PCDHGA7: variants seen among roughly 807,000 people sequenced by gnomAD.
PCDHGA7 encodes protocadherin gamma-A7.
A neutral mutation model predicts 58.3 loss-of-function variants in PCDHGA7; 44 were observed. That is an observed-to-expected ratio of 0.75 (90% CI 0.59 to 0.97). The LOEUF (loss-of-function observed/expected upper bound fraction) is 0.97, where lower values mean the gene tolerates loss of function less well. PCDHGA7 is among the 50% of genes least tolerant of loss of function. The pLI is 0.00. For missense variants in PCDHGA7, 1,266 were observed against 1,188.7 expected, an observed-to-expected ratio of 1.06 and a Z score of -0.96; for synonymous variants, 516 against 504.2, an observed-to-expected ratio of 1.02 and a Z score of -0.31.
At chr5:141,466,104 AGAGT>A (rs2154569127) in intron 1 of PCDHGA7, among the ~76,000 whole-genome samples, 1 of 152,144 alleles carries the variant, frequency 6.6e-6, no homozygotes, top group Admixed American at 6.5e-5. Flanking sequence ...CCTGGGCAAC[AGAGT>A]GAGACTCCAG....
rs1161188105 is a variant in PCDHGA7, at chr5:141,427,974, G to A, written c.2424+42651G>A. 9 of 1,594,458 alleles carry A rather than the reference G, an allele frequency of 5.6e-6. No individual in the cohort carries two copies. In the Admixed American group the frequency reaches 1.5e-4, roughly 27 times the overall value. ...CAATGTGCCGCGGGTGCTGTACCCC[G>A]CGCTGGGGCCCGATGGCTCCGCACT... On this transcript the variant is annotated intron_variant, in intron 1 of 3. Transcript: ENST00000518325.
At chr5:141,456,788 C>A (rs2098888156) in intron 1 of PCDHGA7, among the ~76,000 whole-genome samples, 1 of 152,088 alleles carries the variant, frequency 6.6e-6, no homozygotes, top group Admixed American at 6.5e-5. Flanking sequence ...CATGGCAAAA[C>A]CCCATCTCTA....
At chr5:141,451,365 G>A (rs557753113) in intron 1 of PCDHGA7, among the ~76,000 whole-genome samples, 2 of 152,234 alleles carry the variant, frequency 1.3e-5, no homozygotes, top group South Asian at 4.1e-4. Context: ...GGATGGATCC[G>A]CTTCTAATCT....
intron 1 of PCDHGA7, among the ~76,000 whole-genome samples, chr5:141,464,222 G>A (rs1189319398): frequency 2.7e-5 from 4 of 147,818 alleles, no homozygotes; most frequent in African/African-American, 7.5e-5. Flanking sequence ...CTGAGATTGC[G>A]CCACTGCACT....
At chr5:141,454,019 A>G (rs905033407) in intron 1 of PCDHGA7, among the ~76,000 whole-genome samples, 1 of 152,262 alleles carries the variant, frequency 6.6e-6, no homozygotes, top group African/African-American at 2.4e-5. Flanking sequence ...AGAAAAATGT[A>G]TTAAGAATTG....
intron 1 of PCDHGA7, chr5:141,423,613 GA>G (rs1164845631): frequency 1.9e-6 from 3 of 1,610,782 alleles, no homozygotes; most frequent in Admixed American, 1.7e-5. Context: ...CTTGATAGCT[GA>G]AGACTCAGCT....
At position 141,421,580 on chromosome 5, in the gene PCDHGA7, A is replaced by G. The variant is rs375319424; in HGVS notation, c.2424+36257A>G. ...CTCGTGGAAGACACCTTGAAGATTT[A>G]CGGAGTGGAGGTGGAAATAATAGAT... On this transcript the variant is annotated intron_variant, in intron 1 of 3. Transcript: ENST00000518325. The G allele has an allele frequency of 1.1e-5, 17 of 1,613,782 alleles. No individual in the cohort carries two copies. In the East Asian group the frequency reaches 2.7e-4, roughly 25 times the overall value.
rs186288044 is a variant in PCDHGA7, at chr5:141,433,652, A to G, written c.2424+48329A>G. On this transcript the variant is annotated intron_variant, in intron 1 of 3. Transcript: ENST00000518325. ...GGAGTTTGAGACCAGCCTGACCAAC[A>G]TGGAGAAACCCCGTCTATACTAAAA... is the stretch of plus-strand genomic sequence containing the variant. 1.0e-2 allele frequency among the ~76,000 whole-genome samples: 1,520 copies of G among 152,208 alleles called. 33 individuals are homozygous for G. The highest frequency in any genetic ancestry group is 0.034 in the African/African-American group (1,423 of 41,538).
intron 1 of PCDHGA7, among the ~76,000 whole-genome samples, chr5:141,454,932 C>T (rs945154196): frequency 1.3e-5 from 2 of 150,768 alleles, no homozygotes; most frequent in African/African-American, 2.4e-5. Context: ...CTCAGCCTCC[C>T]GAGTAGCTGG....
In PCDHGA7 at chr5:141,489,153, G is replaced by A; in HGVS notation, c.2425-5654G>A. The A allele has an allele frequency of 1.1e-6, 1 of 935,832 alleles. No homozygotes were observed. The highest frequency in any genetic ancestry group is 1.6e-6 in the Non-Finnish European group (1 of 627,178). 58.0% of individuals were successfully genotyped at this position (935,832 alleles called of 1,614,324 possible). A position where few individuals can be genotyped will look rare whatever the true frequency, so the allele number is the denominator to read the frequency against. ...TTTAAGAGGCTGGAAGGAGACATAA[G>A]AGACTTCAGCTGCTGCATTCCAAGC... On this transcript the variant is annotated intron_variant, in intron 1 of 3. Coordinates refer to ENST00000518325, the MANE Select transcript of PCDHGA7 (RefSeq NM_018920.4). This position sits in a 1 kb window ranked among gnomAD's most constrained non-coding sequence, Gnocchi z 4.5.
At position 141,393,626 on chromosome 5, in the gene PCDHGA7, G is replaced by C. The variant is rs2092811511; in HGVS notation, c.2424+8303G>C. ...CTGTAACAGCCAGCGACCCGGATGA[G>C]GGAATCAACGGAAAAGTGGCATACA... On this transcript the variant is annotated intron_variant, in intron 1 of 3. Coordinates refer to ENST00000518325, the MANE Select transcript of PCDHGA7 (RefSeq NM_018920.4). 10 of 1,613,922 alleles carry C rather than the reference G, an allele frequency of 6.2e-6. No individual in the cohort carries two copies. The highest frequency in any genetic ancestry group is 8.5e-6 in the Non-Finnish European group (10 of 1,179,904).
intron 1 of PCDHGA7, chr5:141,414,204 T>C (rs748616910): frequency 1.2e-6 from 2 of 1,612,266 alleles, no homozygotes; most frequent in East Asian, 2.2e-5. Flanking sequence ...CAGTAGAAGA[T>C]GTAAATGACA....
intron 1 of PCDHGA7, chr5:141,389,880 T>C: frequency 6.2e-7 from 1 of 1,614,080 alleles, no homozygotes; most frequent in Non-Finnish European, 8.5e-7. Flanking sequence ...CGCCGACAGC[T>C]TGCAGGAGGT....
In PCDHGA7 at chr5:141,486,585, GGGA is replaced by G; in HGVS notation, c.2425-8221_2425-8219del. The G allele has an allele frequency of 6.2e-7, 1 of 1,613,708 alleles. No individual in the cohort carries two copies. Among genetic ancestry groups the G allele is most frequent in the Non-Finnish European group, 8.5e-7 (1 of 1,180,024 alleles). On this transcript the variant is annotated intron_variant, in intron 1 of 3. Transcript: ENST00000518325. This position sits in a 1 kb window ranked among gnomAD's most constrained non-coding sequence, Gnocchi z 5.0. ...TTTGTTCCTGAGAACAATCGCCCAG[GGGA>G]CCTGCTTTGCTCCCTTGCAGCCTCT...
At chr5:141,427,883 C>T (rs2097084423) in intron 1 of PCDHGA7, 2 of 1,563,700 alleles carry the variant, frequency 1.3e-6, no homozygotes, top group African/African-American at 1.3e-5. Context: ...TGCAGGCCCA[C>T]GACCAGGGCT....
At chr5:141,388,340 T>C in intron 1 of PCDHGA7, 1 of 1,613,994 alleles carries the variant, frequency 6.2e-7, no homozygotes, top group South Asian at 1.1e-5. Context: ...GCACACGATT[T>C]ATATTAGGAT....
chr5:141,486,688 C>G lies in PCDHGA7; in HGVS notation c.2425-8119C>G, dbSNP rs748605515. On this transcript the variant is annotated intron_variant, in intron 1 of 3. Coordinates refer to ENST00000518325, the MANE Select transcript of PCDHGA7 (RefSeq NM_018920.4). This position sits in a 1 kb window ranked among gnomAD's most constrained non-coding sequence, Gnocchi z 5.0. ...CCAGGAATCGAGATGTATCAGCTTCCTCTTTCATCTCTCTGAACCCCCAGA... is the reference window on the plus strand; with the variant it reads ...CCAGGAATCGAGATGTATCAGCTTCGTCTTTCATCTCTCTGAACCCCCAGA... The G allele has an allele frequency of 1.2e-6, 2 of 1,614,170 alleles. No homozygotes were observed. The highest frequency in any genetic ancestry group is 8.5e-7 in the Non-Finnish European group (1 of 1,180,044).
chr5:141,485,735 G>C lies in PCDHGA7; in HGVS notation c.2425-9072G>C, dbSNP rs1562107417. ...ACTGGATGTGAAGAAGCGCAGCGAC[G>C]GCAGCCTGGTCCCAGAGCTGCTCCT... is the stretch of plus-strand genomic sequence containing the variant. On this transcript the variant is annotated intron_variant, in intron 1 of 3. Coordinates refer to ENST00000518325, the MANE Select transcript of PCDHGA7 (RefSeq NM_018920.4). This position sits in a 1 kb window ranked among gnomAD's most constrained non-coding sequence, Gnocchi z 5.7. 2.5e-6 allele frequency: 4 copies of C among 1,614,048 alleles called. No individual in the cohort carries two copies. The highest frequency in any genetic ancestry group is 3.4e-6 in the Non-Finnish European group (4 of 1,180,044).
intron 1 of PCDHGA7, chr5:141,415,152 C>T (rs758450562): frequency 6.2e-7 from 1 of 1,613,812 alleles, no homozygotes; most frequent in Admixed American, 1.7e-5. Context: ...CCCCTCTCTC[C>T]GCCACTGTCA....
Sources: allele counts gnomAD v4.1 joint callset (sites outside exome capture counted in the v4.1 genomes callset), GRCh38; gene constraint gnomAD v4.1.1; non-coding constraint Gnocchi (gnomAD v3.1); transcripts MANE v1.5; gene names NCBI Gene and HGNC (gene_info 2026-07-23, HGNC 2026-07-21).